Variants in FSTL4 observed in about 807,000 individuals in gnomAD.
The protein encoded by FSTL4 is follistatin-related protein 4.
In FSTL4, 28 loss-of-function variants were observed where a neutral mutation model predicts 78.2. The ratio of observed to expected loss-of-function variants is 0.36; its 90% CI spans 0.27 to 0.49. The LOEUF (loss-of-function observed/expected upper bound fraction) is 0.49, where lower values mean the gene tolerates loss of function less well. FSTL4 is among the 20% of genes least tolerant of loss of function. FSTL4 has a pLI of 0.98. For synonymous variants in FSTL4, 422 were observed against 440.5 expected, an observed-to-expected ratio of 0.96 and a Z score of 0.53; for missense variants, 922 against 1,084.9, an observed-to-expected ratio of 0.85 and a Z score of 2.11.
At chr5:133,736,572 A>G in the FSTL4 span, among the ~76,000 whole-genome samples, 4 of 152,138 alleles carry the variant, frequency 2.6e-5, no homozygotes, top group South Asian at 4.1e-4. Flanking sequence ...TTTGCCACCA[A>G]CCTGGATGCA....
At chr5:133,215,867 C>A (rs1208176986) in intron 13 of FSTL4, among the ~76,000 whole-genome samples, 1 of 152,198 alleles carries the variant, frequency 6.6e-6, no homozygotes, top group Non-Finnish European at 1.5e-5. Flanking sequence ...TTGCCTTTTT[C>A]ATCTTTGCAG....
chr5:133,402,362 T>G (rs370468431), intron 3 of FSTL4, among the ~76,000 whole-genome samples: 1 of 152,196 alleles, frequency 6.6e-6, no homozygotes. Context: ...GGAAATGAGA[T>G]AATCAGCACA....
At chr5:133,552,234 T>G (rs1429389120) in intron 3 of FSTL4, among the ~76,000 whole-genome samples, 1 of 152,204 alleles carries the variant, frequency 6.6e-6, no homozygotes, top group African/African-American at 2.4e-5. Flanking sequence ...AAACAGGGAT[T>G]GAAAACTCAA....
chr5:133,683,700 A>G, the FSTL4 span, among the ~76,000 whole-genome samples: 94 of 152,284 alleles, frequency 6.2e-4, no homozygotes, highest in African/African-American at 2.2e-3. Flanking sequence ...TCTGGATTGA[A>G]AACATAACCA....
chr5:133,474,813 A>G (rs1757895758), intron 3 of FSTL4, among the ~76,000 whole-genome samples: 1 of 152,208 alleles, frequency 6.6e-6, no homozygotes, highest in Non-Finnish European at 1.5e-5. Flanking sequence ...ACAAACAGCA[A>G]CTGCTTTGCA....
chr5:133,316,568 CCTT>C lies in FSTL4; in HGVS notation c.491_493del (p.Glu164del), dbSNP rs763836277. The C allele has an allele frequency of 3.9e-5, 63 of 1,614,060 alleles. 1 individual carries two copies. The highest frequency in any genetic ancestry group is 4.5e-5 in the Non-Finnish European group (53 of 1,180,000). ...GGAGGCAGGGTCTTGTCTGCTGTCT[CCTT>C]CTTGGAGTGGCTGCAGACGGGTCTG... On this transcript the variant is annotated inframe_deletion, in exon 5 of 16. Coordinates refer to ENST00000265342, the MANE Select transcript of FSTL4 (RefSeq NM_015082.2).
the FSTL4 span, among the ~76,000 whole-genome samples, chr5:133,675,647 A>T: frequency 1.3e-5 from 2 of 152,366 alleles, no homozygotes; most frequent in African/African-American, 4.8e-5. Context: ...ACTGGGTCAC[A>T]TGAGGGCTTT....
chr5:133,396,843 G>A (rs1034614571), intron 4 of FSTL4, among the ~76,000 whole-genome samples: 1 of 152,158 alleles, frequency 6.6e-6, no homozygotes, highest in African/African-American at 2.4e-5. Flanking sequence ...ATTTCTTAGT[G>A]AGCCTGTAGT....
the FSTL4 span, among the ~76,000 whole-genome samples, chr5:133,824,886 C>G: frequency 6.6e-6 from 1 of 152,040 alleles, no homozygotes; most frequent in African/African-American, 2.4e-5. Flanking sequence ...ACCAAGACAC[C>G]CAACTCCACA....
intron 6 of FSTL4, among the ~76,000 whole-genome samples, chr5:133,304,608 A>G (rs1173363221): frequency 1.3e-5 from 2 of 152,230 alleles, no homozygotes; most frequent in East Asian, 3.8e-4. Context: ...GACAACTTCC[A>G]GCTGGGATCT....
At chr5:133,750,943 C>T in the FSTL4 span, among the ~76,000 whole-genome samples, 1 of 152,156 alleles carries the variant, frequency 6.6e-6, no homozygotes, top group Non-Finnish European at 1.5e-5. Flanking sequence ...CAGCCTCCCC[C>T]ACCCAGTACT....
At chr5:133,722,378 A>G in the FSTL4 span, among the ~76,000 whole-genome samples, 1 of 152,070 alleles carries the variant, frequency 6.6e-6, no homozygotes, top group African/African-American at 2.4e-5. Context: ...AAGGTTGGGG[A>G]CCACTGCTCT....
the FSTL4 span, among the ~76,000 whole-genome samples, chr5:133,737,829 T>G: frequency 2.0e-5 from 3 of 152,032 alleles, no homozygotes; most frequent in Non-Finnish European, 4.4e-5. Context: ...GGTCTCGAAC[T>G]CCTGACCTCG....
intron 4 of FSTL4, among the ~76,000 whole-genome samples, chr5:133,364,931 T>G (rs571158569): frequency 1.9e-4 from 29 of 152,298 alleles, no homozygotes; most frequent in African/African-American, 7.0e-4. Context: ...TTAGATTTCT[T>G]TTTAAGGTGA....
chr5:133,500,988 G>A (rs1758483801), intron 3 of FSTL4, among the ~76,000 whole-genome samples: 1 of 151,994 alleles, frequency 6.6e-6, no homozygotes, highest in South Asian at 2.1e-4. Flanking sequence ...GAATTTGCTT[G>A]ACATCTGGAG....
At chr5:133,580,394 T>C (rs1177161355) in intron 2 of FSTL4, among the ~76,000 whole-genome samples, 1 of 152,234 alleles carries the variant, frequency 6.6e-6, no homozygotes, top group Non-Finnish European at 1.5e-5. Context: ...ATGTGTTCAC[T>C]CATTCAGTAG....
chr5:133,557,529 AC>A (rs2112934245), intron 3 of FSTL4, among the ~76,000 whole-genome samples: 1 of 152,332 alleles, frequency 6.6e-6, no homozygotes, highest in South Asian at 2.1e-4. Flanking sequence ...ACTTCAGGAA[AC>A]CCAACAGCAC....
In FSTL4 at chr5:133,291,216, C is replaced by T. The variant is rs573509156; in HGVS notation, c.727+21438G>A. 4.6e-5 allele frequency among the ~76,000 whole-genome samples: 7 copies of T among 152,188 alleles called. No individual in the cohort carries two copies. The South Asian group carries it at 1.5e-3, about 32-fold the overall frequency. ...TTGAGTCACACTAAGTGTGTGGTGC[C>T]TCTAAGTAATGACCCTTGGACCTCT... is the stretch of plus-strand genomic sequence containing the variant. On this transcript the variant is annotated intron_variant, in intron 6 of 15. Coordinates refer to ENST00000265342, the MANE Select transcript of FSTL4 (RefSeq NM_015082.2).
chr5:133,655,218 C>T, the FSTL4 span, among the ~76,000 whole-genome samples: 1 of 152,196 alleles, frequency 6.6e-6, no homozygotes, highest in East Asian at 1.9e-4. Context: ...TTCTCTTCTT[C>T]CCCATAATTA....
Sources: gnomAD v4.1 joint callset for allele counts (sites outside exome capture counted in the v4.1 genomes callset) on GRCh38, gnomAD v4.1.1 for gene constraint, MANE v1.5 for transcripts, NCBI Gene and HGNC (gene_info 2026-07-23, HGNC 2026-07-21) for gene names.